The following DCLK1 variants were observed in gnomAD, a reference collection of about 807,000 sequenced individuals.
DCLK1 encodes serine/threonine-protein kinase DCLK1.
DCLK1 carries 16 observed loss-of-function variants against 86.2 expected under a neutral mutation model. The observed-to-expected ratio is 0.19, with a 90% CI of 0.13 to 0.28. DCLK1 has a LOEUF of 0.28. Among genes scored for constraint, DCLK1 ranks in the 10% least tolerant of loss-of-function variants. The pLI is 1.00. For missense variants in DCLK1, 590 were observed against 940.2 expected, an observed-to-expected ratio of 0.63 and a Z score of 4.87; for synonymous variants, 369 against 370.5, an observed-to-expected ratio of 1.00 and a Z score of 0.05.
chr13:35,849,252 A>G (rs1318246348), intron 6 of DCLK1: 1 of 985,344 alleles, frequency 1.0e-6, no homozygotes, highest in Non-Finnish European at 1.2e-6. Flanking sequence ...TTGCTAGTTG[A>G]ACAATTTATC....
At chr13:36,114,256 G>A (rs1021243170) in intron 2 of DCLK1, among the ~76,000 whole-genome samples, 1 of 152,192 alleles carries the variant, frequency 6.6e-6, no homozygotes, top group Non-Finnish European at 1.5e-5. Context: ...AAAAGCATAA[G>A]AAAGTTCTCC....
intron 3 of DCLK1, among the ~76,000 whole-genome samples, chr13:36,089,064 T>C (rs931807826): frequency 8.1e-4 from 124 of 152,360 alleles, no homozygotes; most frequent in African/African-American, 2.7e-3. Context: ...TCATCATTGG[T>C]GCAATTTCTA....
intron 3 of DCLK1, among the ~76,000 whole-genome samples, chr13:36,024,746 T>G (rs888176054): frequency 1.3e-5 from 2 of 152,054 alleles, no homozygotes; most frequent in Admixed American, 1.3e-4. Context: ...GATCTAAAAT[T>G]CTTATGGAAA....
intron 16 of DCLK1, among the ~76,000 whole-genome samples, chr13:35,785,567 T>A (rs1173069771): frequency 6.6e-6 from 1 of 151,904 alleles, no homozygotes; most frequent in East Asian, 1.9e-4. Flanking sequence ...GGAAAACAAA[T>A]CCCCACTATT....
intron 3 of DCLK1, among the ~76,000 whole-genome samples, chr13:36,086,503 G>A (rs1593877166): frequency 2.7e-5 from 4 of 147,772 alleles, no homozygotes; most frequent in South Asian, 2.1e-4. Flanking sequence ...TGCGCAGAAC[G>A]TGCCAGTTTG....
chr13:36,074,843 A>G (rs1884129496), intron 3 of DCLK1, among the ~76,000 whole-genome samples: 1 of 152,244 alleles, frequency 6.6e-6, no homozygotes, highest in South Asian at 2.1e-4. Flanking sequence ...TGCTTTGTGC[A>G]GCCAAGGCTG....
intron 15 of DCLK1, among the ~76,000 whole-genome samples, chr13:35,801,674 CTG>C (rs1337626338): frequency 6.6e-6 from 1 of 152,150 alleles, no homozygotes; most frequent in African/African-American, 2.4e-5. Flanking sequence ...ATGTGTAAAA[CTG>C]TGCACAAAAC....
At chr13:35,854,672 T>TA in intron 5 of DCLK1, 79 bp from the exon 6 acceptor site, 1 of 1,292,278 alleles carries the variant, frequency 7.7e-7, no homozygotes. Context: ...CTGCAAGAAA[T>TA]AAACAATTAT....
chr13:35,984,920 C>G (rs1879828551), intron 3 of DCLK1, among the ~76,000 whole-genome samples: 1 of 151,996 alleles, frequency 6.6e-6, no homozygotes, highest in Admixed American at 6.6e-5. Flanking sequence ...CACACACACA[C>G]ACACTTGAGA....
chr13:36,002,907 C>T (rs1045375798), intron 3 of DCLK1, among the ~76,000 whole-genome samples: 8 of 152,226 alleles, frequency 5.3e-5, no homozygotes, highest in Non-Finnish European at 8.8e-5. Context: ...GCTATGGCTG[C>T]ACCCTGAGGG....
At chr13:35,918,377 T>A (rs1271954183) in intron 4 of DCLK1, among the ~76,000 whole-genome samples, 3 of 151,230 alleles carry the variant, frequency 2.0e-5, no homozygotes, top group African/African-American at 7.3e-5. Flanking sequence ...CGTGGAGGAG[T>A]GGGGAGTTAT....
chr13:35,896,348 G>A (rs1429205311), intron 4 of DCLK1, among the ~76,000 whole-genome samples: 2 of 152,016 alleles, frequency 1.3e-5, no homozygotes, highest in Non-Finnish European at 2.9e-5. Flanking sequence ...AGACCAGCCT[G>A]ACCAACATGG....
chr13:36,055,239 A>G (rs1166512175), intron 3 of DCLK1, among the ~76,000 whole-genome samples: 1 of 152,154 alleles, frequency 6.6e-6, no homozygotes, highest in African/African-American at 2.4e-5. Context: ...GATTTTCGAC[A>G]TACCAACCTG....
chr13:35,878,723 A>G (rs1178799085), intron 4 of DCLK1, among the ~76,000 whole-genome samples: 4 of 152,092 alleles, frequency 2.6e-5, no homozygotes, highest in Non-Finnish European at 4.4e-5. Context: ...ATTATGCATT[A>G]TATGCCTGTA....
At chr13:35,894,036 T>C (rs764940438) in intron 4 of DCLK1, among the ~76,000 whole-genome samples, 1 of 152,186 alleles carries the variant, frequency 6.6e-6, no homozygotes, top group African/African-American at 2.4e-5. Flanking sequence ...CAAGCTTATA[T>C]GTATAAAGCG....
rs773983519 is a variant in DCLK1 at position 35,947,350 on chromosome 13, T to C, written c.823+8A>G. The stretch of plus-strand genomic sequence containing the variant: ...TTTCCCCTGGTTTTGAACTTTTTTT[T>C]TCCTTACCACTTTCATCTAGCAAGA... On this transcript the variant is annotated splice_region_variant and intron_variant, in intron 4 of 16. Transcript: ENST00000360631. 1 of 1,613,134 alleles carries C rather than the reference T, an allele frequency of 6.2e-7. No homozygotes were observed. Among genetic ancestry groups the C allele is most frequent in the South Asian group, 1.1e-5 (1 of 91,018 alleles).
intron 3 of DCLK1, among the ~76,000 whole-genome samples, chr13:36,088,666 G>A (rs1181152951): frequency 6.6e-6 from 1 of 152,164 alleles, no homozygotes; most frequent in South Asian, 2.1e-4. Flanking sequence ...CCAGCCAGTG[G>A]GTCTGCGAGA....
intron 15 of DCLK1, among the ~76,000 whole-genome samples, chr13:35,794,123 C>G (rs532981400): frequency 6.6e-6 from 1 of 152,350 alleles, no homozygotes; most frequent in South Asian, 2.1e-4. Context: ...CCATCTATGA[C>G]TGAGGCTGGA....
intron 16 of DCLK1, among the ~76,000 whole-genome samples, chr13:35,782,003 T>C (rs1369432088): frequency 6.6e-6 from 1 of 152,228 alleles, no homozygotes; most frequent in African/African-American, 2.4e-5. Context: ...TGACACAGTA[T>C]CTGAAGACAG....
Sources: allele counts gnomAD v4.1 joint callset (sites outside exome capture counted in the v4.1 genomes callset), GRCh38; gene constraint gnomAD v4.1.1; transcripts MANE v1.5; gene names NCBI Gene and HGNC (gene_info 2026-07-23, HGNC 2026-07-21).